NIFK: variants seen among roughly 807,000 people sequenced by gnomAD.
NIFK encodes the protein nucleolar protein interacting with the FHA domain of MKI67, also known as MKI67 FHA domain-interacting nucleolar phosphoprotein.
NIFK carries 16 observed loss-of-function variants against 31.7 expected under a neutral mutation model. That is an observed-to-expected ratio of 0.50 (90% confidence interval 0.34 to 0.77). The LOEUF (loss-of-function observed/expected upper bound fraction) is 0.77. NIFK is among the 30% of genes least tolerant of loss of function. The probability of loss-of-function intolerance (pLI) is 0.01; values close to 1 mark genes in which losing one functional copy is unlikely to be tolerated. For synonymous variants in NIFK, 126 were observed against 123.0 expected (o/e 1.02, Z -0.16); for missense variants, 341 against 350.4 (o/e 0.97, Z 0.21).
intron 2 of NIFK, among the ~76,000 whole-genome samples, chr2:121,732,873 G>A (rs1056081788): frequency 6.6e-6 from 1 of 151,924 alleles, no homozygotes; most frequent in Non-Finnish European, 1.5e-5. Flanking sequence ...TCAAGGTCAG[G>A]GGTTTGAGAC....
Position 121,730,949 on chromosome 2 carries a change from T to C in NIFK, c.508A>G (p.Arg170Gly). 1 of 1,613,206 alleles carries C rather than the reference T, an allele frequency of 6.2e-7. No individual in the cohort carries two copies. The highest frequency in any genetic ancestry group is 8.5e-7 in the Non-Finnish European group (1 of 1,179,564). Reference protein sequence around the residue: ...RMEERFKKKERLLRKKLAKKG... With the variant: ...RMEERFKKKEGLLRKKLAKKG... ...TTAGCTAATTTCTTCCTGAGTAATC[T>C]TTCTTTCTTTTTAAATCGCTCCTCC... Residue 170 changes from arginine (R) to glycine (G), a missense_variant, in exon 4 of 7, where the codon AGA becomes GGA. Arg to Gly is a moderately radical substitution (Grantham distance 125). Transcript: ENST00000285814.
chr2:121,735,101 G>C (rs1258312660), intron 2 of NIFK, among the ~76,000 whole-genome samples: 1 of 152,160 alleles, frequency 6.6e-6, no homozygotes, highest in African/African-American at 2.4e-5. Context: ...CTTATATAGT[G>C]TTTATTGTGT....
In NIFK at chr2:121,735,715, G is replaced by C; in HGVS notation, c.141C>G (p.Val47=). 2 of 1,613,546 alleles carry C rather than the reference G, an allele frequency of 1.2e-6. No individual in the cohort carries two copies. Among genetic ancestry groups the C allele is most frequent in the Non-Finnish European group, 1.7e-6 (2 of 1,179,912 alleles). The change falls in exon 2 of 7, where the codon GTC becomes GTG. Residue 47 remains valine (V), a synonymous_variant. Transcript: ENST00000285814. Reference sequence around the variant, plus strand: ...GTAGGTTAGGTAGGTGGCGCACATAGACTACTCCAGGAGTAAGTTGTTCTT... The same window carrying C: ...GTAGGTTAGGTAGGTGGCGCACATACACTACTCCAGGAGTAAGTTGTTCTT... The part of the protein sequence containing the change: ...KKQEQLTPGV[V]YVRHLPNLLD...
Position 121,728,501 on chromosome 2 carries a change from A to G in NIFK, c.600T>C (p.Asn200=). The part of the protein sequence containing the change: ...LQKTESISKT[N]RQTSTKGQVL... The stretch of plus-strand genomic sequence containing the variant: ...CCTGGCCTTTTGTAGACGTCTGACG[A>G]TTAGTTTTTGAAATACTTTCCGTTT... The change falls in exon 5 of 7, where the codon AAT becomes AAC. Residue 200 remains asparagine (N), a synonymous_variant. Transcript: ENST00000285814. 6.3e-7 allele frequency: 1 copy of G among 1,587,998 alleles called. No individual in the cohort carries two copies.
Position 121,727,743 on chromosome 2 carries a change from C to T in NIFK, c.863G>A (p.Arg288Gln), listed in dbSNP as rs370998435. ...QTPTHSRKKR[R>Q]RSSNQ Reference sequence around the variant, plus strand: ...TGAAAATCACTGATTGCTGCTTCTTCGTCTTTTTTTCCGTGAATGTGTAGG... The same window carrying T: ...TGAAAATCACTGATTGCTGCTTCTTTGTCTTTTTTTCCGTGAATGTGTAGG... Residue 288 changes from arginine (R) to glutamine (Q), a missense_variant, in exon 7 of 7, where the codon CGA (arginine) becomes CAA (glutamine). Transcript: ENST00000285814. 9.0e-5 allele frequency: 144 copies of T among 1,599,444 alleles called. No homozygotes were observed. The highest frequency in any genetic ancestry group is 1.1e-4 in the Non-Finnish European group (125 of 1,176,510).
At chr2:121,728,203 T>TAAAATGAGAGTAGC in intron 6 of NIFK, 85 bp downstream of exon 6, 1 of 905,254 alleles carries the variant, frequency 1.1e-6, no homozygotes, top group Non-Finnish European at 1.7e-6. Context: ...TTTGAAATCT[T>TAAAATGAGAGTAGC]AAAATGAGAG....
Position 121,727,825 on chromosome 2 carries a change from T to C in NIFK, c.781A>G (p.Ile261Val). 1 of 1,612,884 alleles carries C rather than the reference T, an allele frequency of 6.2e-7. No individual in the cohort carries two copies. Among genetic ancestry groups the C allele is most frequent in the Non-Finnish European group, 8.5e-7 (1 of 1,179,804 alleles). Reference protein sequence around the residue: ...ELNDDDKDDEIVFKQPISCVK... With the variant: ...ELNDDDKDDEVVFKQPISCVK... ...CAGGATATGGGCTGTTTGAAAACTA[T>C]TTCATCATCTTTATCATCATCATTC... Residue 261 changes from isoleucine to valine, a missense_variant, in exon 7 of 7, where the codon ATA (isoleucine) becomes GTA (valine). Coordinates refer to ENST00000285814, the MANE Select transcript of NIFK (RefSeq NM_032390.5).
In NIFK at chr2:121,730,699, C is replaced by T. The variant is rs183361640; in HGVS notation, c.564+194G>A. On this transcript the variant is annotated intron_variant, in intron 4 of 6. Transcript: ENST00000285814. ...TCTCTACTAAAAATACAAAAATTAG[C>T]CAGACGTGGTGGTGTGCACCTGTAA... The T allele has an allele frequency of 4.6e-5, 26 of 563,840 alleles. No individual in the cohort carries two copies. The Admixed American group carries it at 8.0e-4, about 17-fold the overall frequency. 34.9% of individuals were successfully genotyped at this position (563,840 alleles called of 1,614,324 possible).
At chr2:121,730,602 G>C in intron 4 of NIFK, 2 of 336,392 alleles carry the variant, frequency 5.9e-6, no homozygotes, top group Non-Finnish European at 1.1e-5. Context: ...CCAACACTTT[G>C]GGACGCTGAG....
At position 121,732,177 on chromosome 2, in the gene NIFK, C is replaced by G. The variant is rs985554041; in HGVS notation, c.271G>C (p.Val91Leu). Residue 91 changes from valine (V) to leucine (L), a missense_variant, in exon 3 of 7, where the codon GTG (valine) becomes CTG (leucine). Transcript: ENST00000285814. ...RTGNSKGYAF[V>L]EFESEDVAKI... is the part of the protein sequence containing the mutation. ...GCAACATCCTCAGACTCAAACTCCA[C>G]AAATGCATAGCCTTTGCTATTTCCA... is the stretch of plus-strand genomic sequence containing the variant. 1 of 1,612,408 alleles carries G rather than the reference C, an allele frequency of 6.2e-7. No individual in the cohort carries two copies. Among genetic ancestry groups the G allele is most frequent in the Non-Finnish European group, 8.5e-7 (1 of 1,178,550 alleles).
At position 121,736,677 on chromosome 2, in the gene NIFK, C is replaced by T. The variant is rs960629899; in HGVS notation, c.105+69G>A. On this transcript the variant is annotated intron_variant, in intron 1 of 6. Transcript: ENST00000285814. ...AGGGGCGCCCGGGCCGGAAACCGTGCAACCCCAGATACCCTCTAGACCCGG... is the reference window on the plus strand; with the variant it reads ...AGGGGCGCCCGGGCCGGAAACCGTGTAACCCCAGATACCCTCTAGACCCGG... 2.4e-5 allele frequency: 33 copies of T among 1,366,458 alleles called. No individual in the cohort carries two copies. The South Asian group carries it at 3.6e-4, about 15-fold the overall frequency. 84.6% of individuals were successfully genotyped at this position (1,366,458 alleles called of 1,614,324 possible). A position where few individuals can be genotyped will look rare whatever the true frequency, so the allele number is the denominator to read the frequency against.
chr2:121,728,418 T>C, intron 5 of NIFK, 59 bp downstream of exon 5: 1 of 1,485,390 alleles, frequency 6.7e-7, no homozygotes, highest in Non-Finnish European at 9.3e-7. Context: ...GTCTTGAATA[T>C]GTTTTCCTAC....
At position 121,728,462 on chromosome 2, in the gene NIFK, TA is replaced by T. The variant is rs762604854; in HGVS notation, c.624+14del. Reference sequence around the variant, plus strand: ...CTCTAATATCTTGCATGTAAAATGATAAAAAAAATTTTACCTGGCCTTTTGT... The same window carrying T: ...CTCTAATATCTTGCATGTAAAATGATAAAAAAATTTTACCTGGCCTTTTGT... On this transcript the variant is annotated intron_variant, in intron 5 of 6. Coordinates refer to ENST00000285814, the MANE Select transcript of NIFK (RefSeq NM_032390.5). The T allele has an allele frequency of 1.3e-5, 20 of 1,569,134 alleles. No homozygotes were observed. Among genetic ancestry groups the T allele is most frequent in the South Asian group, 3.5e-5 (3 of 85,320 alleles).
At chr2:121,728,381 C>CA in intron 5 of NIFK, 25 bp from the exon 6 acceptor site, 2 of 1,520,434 alleles carry the variant, frequency 1.3e-6, no homozygotes, top group South Asian at 1.1e-5. Flanking sequence ...TAAAACACAT[C>CA]AATTTGAATA....
At chr2:121,730,124 G>T (rs2074526959) in intron 4 of NIFK, among the ~76,000 whole-genome samples, 1 of 152,206 alleles carries the variant, frequency 6.6e-6, no homozygotes, top group Admixed American at 6.5e-5. Flanking sequence ...TGAGGCAGGA[G>T]AATTGCTTGA....
chr2:121,728,240 A>G (rs2074507528), intron 6 of NIFK, 48 bp downstream of exon 6: 2 of 1,173,056 alleles, frequency 1.7e-6, no homozygotes, highest in Admixed American at 2.3e-5. Flanking sequence ...TCCTCCTTCA[A>G]ATTATTTCTA....
intron 2 of NIFK, among the ~76,000 whole-genome samples, chr2:121,733,587 GAGA>G (rs2074558764): frequency 6.6e-6 from 1 of 151,646 alleles, no homozygotes; most frequent in Non-Finnish European, 1.5e-5. Context: ...GCTGGGGCAG[GAGA>G]ATCACTTGAA....
chr2:121,734,564 G>A (rs370925047), intron 2 of NIFK, among the ~76,000 whole-genome samples: 105 of 152,138 alleles, frequency 6.9e-4, no homozygotes, highest in Middle Eastern at 3.4e-3. Context: ...AGGCCGAGGC[G>A]GGAGGATCAC....
rs753848593 is a variant in NIFK, at chr2:121,728,325, C to T, written c.656G>A (p.Gly219Asp). The T allele has an allele frequency of 6.2e-7, 1 of 1,608,564 alleles. No individual in the cohort carries two copies. The highest frequency in any genetic ancestry group is 8.5e-7 in the Non-Finnish European group (1 of 1,177,140). The change falls in exon 6 of 7, where the codon GGT (glycine) becomes GAT (aspartate). Residue 219 changes from glycine to aspartate, a missense_variant. By Grantham distance (94) the Gly-to-Asp change is moderately conservative (BLOSUM62 -1). Coordinates refer to ENST00000285814, the MANE Select transcript of NIFK (RefSeq NM_032390.5). Reference sequence around the variant, plus strand: ...AGTCTTCTCAGGAGTGTCAAGAGTACCTGAAACTTTTTTCTTCTTCTTACG... The same window carrying T: ...AGTCTTCTCAGGAGTGTCAAGAGTATCTGAAACTTTTTTCTTCTTCTTACG... ...VLRKKKKKVS[G>D]TLDTPEKTVD...
Sources: gnomAD v4.1 joint callset for allele counts (sites outside exome capture counted in the v4.1 genomes callset) on GRCh38, gnomAD v4.1.1 for gene constraint, MANE v1.5 for transcripts, NCBI Gene and HGNC (gene_info 2026-07-23, HGNC 2026-07-21) for gene names.